Variants in CCDC192 observed in about 807,000 individuals in gnomAD.
CCDC192 encodes the protein coiled-coil domain containing 192.
At chr5:127,743,289 G>A (rs1015540014) in intron 2 of CCDC192, among the ~76,000 whole-genome samples, 1 of 152,040 alleles carries the variant, frequency 6.6e-6, no homozygotes, top group Non-Finnish European at 1.5e-5. Flanking sequence ...ATAAGGCAAA[G>A]GGCACCCGTA....
intron 6 of CCDC192, among the ~76,000 whole-genome samples, chr5:127,906,129 C>T (rs574318156): frequency 6.6e-5 from 10 of 152,292 alleles, no homozygotes; most frequent in Admixed American, 6.5e-4. Flanking sequence ...CACCATCCAC[C>T]TCCACAACTT....
chr5:127,883,554 C>A (rs1183436358), intron 6 of CCDC192, among the ~76,000 whole-genome samples: 1 of 152,158 alleles, frequency 6.6e-6, no homozygotes, highest in African/African-American at 2.4e-5. Flanking sequence ...AAGTATTTTC[C>A]TGAAATAGAG....
Position 127,749,147 on chromosome 5 carries a change from A to T in CCDC192, c.115-5121A>T, listed in dbSNP as rs570606768. Among the ~76,000 whole-genome samples the T allele has an allele frequency of 2.2e-3, 333 of 151,998 alleles. 1 individual carries two copies. Among genetic ancestry groups the T allele is most frequent in the African/African-American group, 7.4e-3 (306 of 41,512 alleles). On this transcript the variant is annotated intron_variant, in intron 2 of 6. Transcript: ENST00000514853. Reference sequence around the variant, plus strand: ...TGCCCTGGCCAGAACTTCCAACACTATGTTGAATAGGAGTGGTGAGAGAGG... The same window carrying T: ...TGCCCTGGCCAGAACTTCCAACACTTTGTTGAATAGGAGTGGTGAGAGAGG...
chr5:127,936,019 G>A (rs936187139), intron 6 of CCDC192, among the ~76,000 whole-genome samples: 11 of 152,236 alleles, frequency 7.2e-5, no homozygotes, highest in African/African-American at 1.7e-4. Context: ...CAGGAGAATC[G>A]CTTGAACCCG....
chr5:127,855,736 G>T (rs764316857), intron 5 of CCDC192, among the ~76,000 whole-genome samples: 11 of 152,168 alleles, frequency 7.2e-5, no homozygotes, highest in Non-Finnish European at 1.2e-4. Context: ...TATGTGAGTA[G>T]GCATGAGAAC....
chr5:127,752,651 C>A (rs947921742), intron 2 of CCDC192, among the ~76,000 whole-genome samples: 8 of 152,254 alleles, frequency 5.3e-5, no homozygotes, highest in Non-Finnish European at 1.2e-4. Flanking sequence ...CCAGTTAGAG[C>A]TTCCGGGCTG....
At chr5:127,706,773 T>C (rs1453525711) in intron 1 of CCDC192, among the ~76,000 whole-genome samples, 1 of 152,080 alleles carries the variant, frequency 6.6e-6, no homozygotes, top group Non-Finnish European at 1.5e-5. Flanking sequence ...GCAAACTATA[T>C]AGTATGTTAG....
intron 3 of CCDC192, among the ~76,000 whole-genome samples, chr5:127,766,998 C>T (rs1755264985): frequency 6.6e-6 from 1 of 152,282 alleles, no homozygotes; most frequent in East Asian, 1.9e-4. Flanking sequence ...TTTCCAAAAG[C>T]CTAAACCCAT....
At chr5:127,863,569 T>C (rs939384862) in intron 5 of CCDC192, among the ~76,000 whole-genome samples, 1 of 152,234 alleles carries the variant, frequency 6.6e-6, no homozygotes, top group Non-Finnish European at 1.5e-5. Context: ...AAACAGGTAG[T>C]TGTTGTCTAT....
At chr5:127,781,992 T>A (rs1330081113) in intron 3 of CCDC192, among the ~76,000 whole-genome samples, 1 of 152,222 alleles carries the variant, frequency 6.6e-6, no homozygotes, top group Non-Finnish European at 1.5e-5. Flanking sequence ...TTTATTACAT[T>A]GAGGTGTATC....
intron 3 of CCDC192, among the ~76,000 whole-genome samples, chr5:127,764,030 A>G (rs1256042811): frequency 6.6e-6 from 1 of 152,198 alleles, no homozygotes; most frequent in African/African-American, 2.4e-5. Flanking sequence ...GTCTCCCACT[A>G]TACCATATAA....
At chr5:127,750,865 G>C (rs889235745) in intron 2 of CCDC192, among the ~76,000 whole-genome samples, 1 of 151,454 alleles carries the variant, frequency 6.6e-6, no homozygotes, top group African/African-American at 2.4e-5. Flanking sequence ...TTACCATTAT[G>C]TAATGGCCTT....
chr5:127,785,269 C>A, intron 3 of CCDC192: 1 of 499,850 alleles, frequency 2.0e-6, no homozygotes, highest in South Asian at 1.5e-5. Context: ...ACATTCCAAC[C>A]CTAGGGGAAG....
intron 6 of CCDC192, among the ~76,000 whole-genome samples, chr5:127,904,702 A>G (rs906846277): frequency 1.3e-5 from 2 of 151,852 alleles, no homozygotes; most frequent in Admixed American, 6.6e-5. Context: ...GGGTATCACT[A>G]TGTTGGCCAG....
intron 2 of CCDC192, among the ~76,000 whole-genome samples, chr5:127,708,226 A>G (rs1220115451): frequency 1.3e-5 from 2 of 152,148 alleles, no homozygotes; most frequent in South Asian, 2.1e-4. Flanking sequence ...TTCTCTTTCA[A>G]GTCGCTGTGA....
At chr5:127,897,141 C>G (rs1255633263) in intron 6 of CCDC192, among the ~76,000 whole-genome samples, 1 of 151,064 alleles carries the variant, frequency 6.6e-6, no homozygotes, top group African/African-American at 2.4e-5. Flanking sequence ...AAATAAATAG[C>G]TACACAGTAG....
At position 127,845,496 on chromosome 5, in the gene CCDC192, G is replaced by A. The variant is rs73783995; in HGVS notation, c.412-30042G>A. On this transcript the variant is annotated intron_variant, in intron 5 of 6. Coordinates refer to ENST00000514853, the MANE Select transcript of CCDC192 (RefSeq NM_001317938.2). ...CAGACTTGACCGAGCTCAGGGAGGT[G>A]GCATTTGAGATCATTTTGCAAGCCC... 1.8e-3 allele frequency among the ~76,000 whole-genome samples: 281 copies of A among 152,284 alleles called. 2 individuals carry two copies. Among genetic ancestry groups the A allele is most frequent in the African/African-American group, 6.4e-3 (265 of 41,548 alleles).
intron 5 of CCDC192, among the ~76,000 whole-genome samples, chr5:127,800,558 G>A (rs995720616): frequency 3.3e-5 from 5 of 152,048 alleles, no homozygotes; most frequent in African/African-American, 7.2e-5. Context: ...TAACACACAG[G>A]TTTAGAGATG....
intron 5 of CCDC192, among the ~76,000 whole-genome samples, chr5:127,869,802 C>A (rs976559184): frequency 3.9e-5 from 6 of 152,078 alleles, no homozygotes; most frequent in African/African-American, 1.4e-4. Context: ...AAATCCCAAA[C>A]CTTGGGTTTC....
Sources: allele counts gnomAD v4.1 joint callset (sites outside exome capture counted in the v4.1 genomes callset), GRCh38; gene constraint gnomAD v4.1.1; transcripts MANE v1.5; gene names NCBI Gene and HGNC (gene_info 2026-07-23, HGNC 2026-07-21).